The following HDAC9 variants were observed in gnomAD, a reference collection of about 807,000 sequenced individuals.
HDAC9 encodes histone deacetylase 9, also known as MEF-2 interacting transcription repressor (MITR) protein.
A neutral mutation model predicts 139.4 loss-of-function variants in HDAC9; 41 were observed. The observed-to-expected ratio is 0.29, with a 90% CI of 0.23 to 0.38. The LOEUF is 0.38. Among genes scored for constraint, HDAC9 ranks in the 10% least tolerant of loss-of-function variants. HDAC9 has a pLI of 1.00. For synonymous variants in HDAC9, 517 were observed against 476.2 expected (o/e 1.09, Z -1.12); for missense variants, 1,147 against 1,297.0 (o/e 0.88, Z 1.78).
At chr7:18,624,659 C>A (rs963759599) in intron 6 of HDAC9, among the ~76,000 whole-genome samples, 1 of 152,042 alleles carries the variant, frequency 6.6e-6, no homozygotes, top group African/African-American at 2.4e-5. Flanking sequence ...GCATGGAAAT[C>A]TTCAGCCTTT....
chr7:18,173,243 A>G (rs988269731), intron 2 of HDAC9, among the ~76,000 whole-genome samples: 1 of 152,034 alleles, frequency 6.6e-6, no homozygotes, highest in African/African-American at 2.4e-5. Flanking sequence ...GTTGGTTTAA[A>G]GTCTGTTTTA....
At chr7:18,912,259 G>A (rs1250419671) in intron 22 of HDAC9, among the ~76,000 whole-genome samples, 2 of 151,922 alleles carry the variant, frequency 1.3e-5, no homozygotes, top group African/African-American at 4.8e-5. Flanking sequence ...GCGAGCTTTA[G>A]GGAGTTATTT....
chr7:18,831,461 C>T (rs988845393), intron 19 of HDAC9, among the ~76,000 whole-genome samples: 4 of 152,080 alleles, frequency 2.6e-5, no homozygotes, highest in African/African-American at 2.4e-5. Flanking sequence ...GCTTCCTGGC[C>T]TTTGATTATG....
chr7:18,293,616 T>G (rs1404973989), intron 1 of HDAC9, among the ~76,000 whole-genome samples: 1 of 152,138 alleles, frequency 6.6e-6, no homozygotes, highest in Non-Finnish European at 1.5e-5. Context: ...TTTTTGTCTC[T>G]AATGTCTTCA....
chr7:18,631,813 C>G (rs945088458), intron 7 of HDAC9, among the ~76,000 whole-genome samples: 1 of 151,946 alleles, frequency 6.6e-6, no homozygotes, highest in Non-Finnish European at 1.5e-5. Flanking sequence ...TCTTCAAGCT[C>G]CAGTTCCAAT....
chr7:18,925,244 C>A (rs576266111), intron 22 of HDAC9, among the ~76,000 whole-genome samples: 13 of 152,146 alleles, frequency 8.5e-5, no homozygotes, highest in Non-Finnish European at 1.3e-4. Context: ...ATGACAGGCA[C>A]TAAAGTCAAC....
At chr7:18,498,545 A>G (rs1383361658) in intron 2 of HDAC9, among the ~76,000 whole-genome samples, 1 of 152,054 alleles carries the variant, frequency 6.6e-6, no homozygotes, top group Non-Finnish European at 1.5e-5. Context: ...TTAGCTACAA[A>G]TCTTGTTCAG....
chr7:18,761,373 A>C (rs908321466), intron 14 of HDAC9, among the ~76,000 whole-genome samples: 2 of 152,250 alleles, frequency 1.3e-5, no homozygotes, highest in African/African-American at 4.8e-5. Context: ...GAGTGTCTCA[A>C]ACAGTGTCTG....
intron 1 of HDAC9, among the ~76,000 whole-genome samples, chr7:18,457,535 GTTTC>G (rs1175014250): frequency 6.6e-6 from 1 of 152,112 alleles, no homozygotes; most frequent in African/African-American, 2.4e-5. Context: ...TTAATTGAGA[GTTTC>G]TTTCTGATTA....
intron 21 of HDAC9, among the ~76,000 whole-genome samples, chr7:18,863,056 A>AC (rs1389185671): frequency 2.6e-5 from 4 of 152,114 alleles, no homozygotes; most frequent in Non-Finnish European, 4.4e-5. Flanking sequence ...GAGATTTGGA[A>AC]CCAGCTGGAC....
chr7:18,462,537 A>G (rs1420699529), intron 1 of HDAC9, among the ~76,000 whole-genome samples: 1 of 151,526 alleles, frequency 6.6e-6, no homozygotes, highest in African/African-American at 2.4e-5. Context: ...CCCCAATCCA[A>G]CCTTCTTCCC....
Position 18,928,219 on chromosome 7 carries a change from A to G in HDAC9, c.2804-7590A>G, listed in dbSNP as rs185070086. On this transcript the variant is annotated intron_variant, in intron 22 of 25. Coordinates refer to ENST00000686413, the MANE Select transcript of HDAC9 (RefSeq NM_178425.4). ...AGTTTTGGCCTCCATAGAGACTTCC[A>G]ATTCCATTTGCAATTTTGTAATAGA... Among the ~76,000 whole-genome samples, 25 of 152,326 alleles carry G rather than the reference A, an allele frequency of 1.6e-4. No individual in the cohort carries two copies. In the East Asian group the frequency reaches 4.8e-3, roughly 29 times the overall value.
chr7:18,995,522 C>T (rs1786394820), intron 25 of HDAC9, among the ~76,000 whole-genome samples: 1 of 152,206 alleles, frequency 6.6e-6, no homozygotes, highest in Non-Finnish European at 1.5e-5. Context: ...TCTGTAGCAA[C>T]AATTTGCTAA....
intron 1 of HDAC9, among the ~76,000 whole-genome samples, chr7:18,405,257 A>G (rs1787903083): frequency 6.6e-6 from 1 of 152,232 alleles, no homozygotes. Context: ...CTCCCTTAAA[A>G]CAGAGCTGCT....
intron 2 of HDAC9, among the ~76,000 whole-genome samples, chr7:18,243,730 G>T (rs1017953984): frequency 6.6e-6 from 1 of 152,146 alleles, no homozygotes; most frequent in African/African-American, 2.4e-5. Context: ...TTAAATGTCT[G>T]TGTAACACAG....
At chr7:18,995,115 A>G (rs1786354956) in intron 25 of HDAC9, among the ~76,000 whole-genome samples, 1 of 152,194 alleles carries the variant, frequency 6.6e-6, no homozygotes, top group Non-Finnish European at 1.5e-5. Flanking sequence ...AACCTTTGCT[A>G]ATTTTATAAG....
intron 1 of HDAC9, among the ~76,000 whole-genome samples, chr7:18,486,421 C>G (rs1440313495): frequency 6.6e-6 from 1 of 152,058 alleles, no homozygotes; most frequent in African/African-American, 2.4e-5. Context: ...TGTAGGATCT[C>G]TTTAAAGCTG....
chr7:18,605,123 T>A (rs1013872132), intron 6 of HDAC9, among the ~76,000 whole-genome samples: 1 of 151,898 alleles, frequency 6.6e-6, no homozygotes, highest in Admixed American at 6.6e-5. Flanking sequence ...TTTCCTTTGA[T>A]TTTTTTCCTT....
intron 21 of HDAC9, among the ~76,000 whole-genome samples, chr7:18,871,856 T>TAGAAAC (rs1798942227): frequency 6.6e-6 from 1 of 152,152 alleles, no homozygotes; most frequent in Non-Finnish European, 1.5e-5. Flanking sequence ...CATTCATTTA[T>TAGAAAC]CAGAGAGGAG....
Sources: gnomAD v4.1 joint callset for allele counts (sites outside exome capture counted in the v4.1 genomes callset) on GRCh38, gnomAD v4.1.1 for gene constraint, MANE v1.5 for transcripts, NCBI Gene and HGNC (gene_info 2026-07-23, HGNC 2026-07-21) for gene names.